Variants in PROM2 observed in about 807,000 individuals in gnomAD.
PROM2 encodes prominin-2.
A neutral mutation model predicts 110.2 loss-of-function variants in PROM2; 90 were observed. The ratio of observed to expected loss-of-function variants is 0.82; its 90% confidence interval spans 0.69 to 0.97. PROM2 has a LOEUF of 0.97. Ranked by LOEUF, PROM2 falls within the 50% of genes least tolerant of loss-of-function variation. PROM2 has a pLI of 0.00. For synonymous variants in PROM2, 470 were observed against 467.8 expected (o/e 1.00, Z -0.06); for missense variants, 1,009 against 1,074.8 (o/e 0.94, Z 0.86).
At chr2:95,288,085 C>T (rs540140321) in intron 20 of PROM2, 126 bp from the exon 21 acceptor site, 6 of 814,682 alleles carry the variant, frequency 7.4e-6, no homozygotes, top group Admixed American at 3.9e-5. Flanking sequence ...TACAAGTGTG[C>T]GGTGGCCCCA....
chr2:95,286,607 G>T (rs1677371689), intron 17 of PROM2, 36 bp downstream of exon 17: 2 of 1,577,322 alleles, frequency 1.3e-6, no homozygotes, highest in African/African-American at 2.7e-5. Flanking sequence ...GGGGCCTGGG[G>T]GAGGGGAGAC....
chr2:95,276,366 C>G lies in PROM2; in HGVS notation c.618+19C>G. ...CCCCCAAGTGAGCACTGTTACCCCT[C>G]ACCCTCATGTGCCCCTGTGAGCACT... is the stretch of plus-strand genomic sequence containing the variant. On this transcript the variant is annotated intron_variant, in intron 4 of 23. Transcript: ENST00000317620. This position sits in a 1 kb window ranked among gnomAD's most constrained non-coding sequence, Gnocchi z 4.6. 1 of 1,611,506 alleles carries G rather than the reference C, an allele frequency of 6.2e-7. No individual in the cohort carries two copies. The highest frequency in any genetic ancestry group is 8.5e-7 in the Non-Finnish European group (1 of 1,178,884).
chr2:95,281,432 A>C, intron 12 of PROM2, 67 bp downstream of exon 12: 3 of 265,112 alleles, frequency 1.1e-5, no homozygotes, highest in Non-Finnish European at 1.6e-5. Context: ...GCAGAGCAGG[A>C]GGGTTGGGGG....
chr2:95,275,569 G>A lies in PROM2; in HGVS notation c.294+59G>A. The A allele has an allele frequency of 6.3e-7, 1 of 1,591,696 alleles. No homozygotes were observed. The highest frequency in any genetic ancestry group is 1.1e-5 in the South Asian group (1 of 88,234). On this transcript the variant is annotated intron_variant, in intron 2 of 23. Transcript: ENST00000317620. The surrounding 1 kb of genome is among the most constrained non-coding windows in gnomAD (Gnocchi z 4.4). ...AGTTCTGGGGTGAGCAGCAGGGTGG[G>A]AGCAGAAAAGCCTTGGCTCCCCTTA...
In PROM2 at chr2:95,276,738, C is replaced by T; in HGVS notation, c.682+81C>T. 2.7e-6 allele frequency: 4 copies of T among 1,480,406 alleles called. No individual in the cohort carries two copies. The South Asian group carries it at 4.6e-5, about 17-fold the overall frequency. The allele number at this position is 1,480,406 out of a possible 1,614,324, so 91.7% of individuals were successfully genotyped here. On this transcript the variant is annotated intron_variant, in intron 5 of 23. Transcript: ENST00000317620. This position sits in a 1 kb window ranked among gnomAD's most constrained non-coding sequence, Gnocchi z 4.6. ...GTGCCTCGGTGGGGGCCTCTCACTC[C>T]CTCATTCTGGACACCCCCGGGAACA...
At position 95,281,929 on chromosome 2, in the gene PROM2, C is replaced by T. The variant is rs1290500288; in HGVS notation, c.1556C>T (p.Ala519Val). ...SWENGELFEF[A>V]DTPGNLPPSM... is the part of the protein sequence containing the mutation. ...TTCTCACTGCCCCATCCCCAGTTTGCAGACACCCCAGGGAACCTGCCCCCG... is the reference window on the plus strand; with the variant it reads ...TTCTCACTGCCCCATCCCCAGTTTGTAGACACCCCAGGGAACCTGCCCCCG... The change falls in exon 13 of 24, where the codon GCA becomes GTA. Residue 519 changes from alanine to valine, a missense_variant. Ala to Val is a moderately conservative substitution (Grantham distance 64). Coordinates refer to ENST00000317620, the MANE Select transcript of PROM2 (RefSeq NM_001165978.3). 1 of 1,613,764 alleles carries T rather than the reference C, an allele frequency of 6.2e-7. No homozygotes were observed. Among genetic ancestry groups the T allele is most frequent in the South Asian group, 1.1e-5 (1 of 91,070 alleles).
chr2:95,277,223 T>C, intron 6 of PROM2, 141 bp from the exon 7 acceptor site: 2 of 1,142,674 alleles, frequency 1.8e-6, no homozygotes, highest in Middle Eastern at 2.9e-4. Context: ...TGGCTTAATG[T>C]GCCCTGGGGC....
At position 95,290,424 on chromosome 2, in the gene PROM2, G is replaced by A. The variant is rs1677627195; in HGVS notation, c.*1211G>A. The A allele has an allele frequency of 6.6e-6, 1 of 152,204 alleles. No individual in the cohort carries two copies. Among genetic ancestry groups the A allele is most frequent in the African/African-American group, 2.4e-5 (1 of 41,434 alleles). 9.4% of individuals were successfully genotyped at this position (152,204 alleles called of 1,614,324 possible). ...GAGGAGAGTTCTAAGGTCACCTCTGGCTGCAGGCATCCAGGGATTATTCCA... is the reference window on the plus strand; with the variant it reads ...GAGGAGAGTTCTAAGGTCACCTCTGACTGCAGGCATCCAGGGATTATTCCA... On this transcript the variant is annotated 3_prime_UTR_variant, in exon 24 of 24. Transcript: ENST00000317620.
chr2:95,287,104 C>A, intron 18 of PROM2, 29 bp from the exon 19 acceptor site: 2 of 1,593,366 alleles, frequency 1.3e-6, no homozygotes, highest in Non-Finnish European at 1.7e-6. Context: ...GAATGTGGGA[C>A]ACTGAGTTGA....
At position 95,288,317 on chromosome 2, in the gene PROM2, A is replaced by G. The variant is rs1677498379; in HGVS notation, c.2334+17A>G. On this transcript the variant is annotated intron_variant, in intron 21 of 23. Coordinates refer to ENST00000317620, the MANE Select transcript of PROM2 (RefSeq NM_001165978.3). ...GACCCCTGGGTGAGTGCCCCAGCTC[A>G]TCGGGGCTTGTTCACCAAGTCCCGG... The G allele has an allele frequency of 1.2e-6, 2 of 1,613,318 alleles. No individual in the cohort carries two copies. Among genetic ancestry groups the G allele is most frequent in the Non-Finnish European group, 1.7e-6 (2 of 1,179,502 alleles).
rs1268326419 is a variant in PROM2 at position 95,276,729 on chromosome 2, C to T, written c.682+72C>T. The T allele has an allele frequency of 1.3e-6, 2 of 1,498,256 alleles. No individual in the cohort carries two copies. Among genetic ancestry groups the T allele is most frequent in the African/African-American group, 2.8e-5 (2 of 72,486 alleles). The allele number at this position is 1,498,256 out of a possible 1,614,324, so 92.8% of individuals were successfully genotyped here. On this transcript the variant is annotated intron_variant, in intron 5 of 23. Transcript: ENST00000317620. This position sits in a 1 kb window ranked among gnomAD's most constrained non-coding sequence, Gnocchi z 4.6. The stretch of plus-strand genomic sequence containing the variant: ...CCTGCTCGGGTGCCTCGGTGGGGGC[C>T]TCTCACTCCCTCATTCTGGACACCC...
chr2:95,278,038 C>T (rs1676783001), intron 8 of PROM2, 34 bp downstream of exon 8: 1 of 1,573,352 alleles, frequency 6.4e-7, no homozygotes, highest in Non-Finnish European at 8.7e-7. Context: ...ATTTCTCCCT[C>T]ACCTGCCAAG....
At chr2:95,278,552 T>C (rs1676817840) in intron 8 of PROM2, 169 bp from the exon 9 acceptor site, 2 of 734,004 alleles carry the variant, frequency 2.7e-6, no homozygotes, top group African/African-American at 1.8e-5. Flanking sequence ...TTTTGGGAAG[T>C]TGAGTCAGAC....
At position 95,277,463 on chromosome 2, in the gene PROM2, G is replaced by A. The variant is rs1055874246; in HGVS notation, c.872G>A (p.Arg291Gln). Residue 291 changes from arginine (R) to glutamine (Q), a missense_variant, in exon 7 of 24, where the codon CGG (arginine) becomes CAG (glutamine). Arg to Gln is a conservative substitution (Grantham distance 43). Coordinates refer to ENST00000317620, the MANE Select transcript of PROM2 (RefSeq NM_001165978.3). ...QDLEPAIREH[R>Q]DRLLELLQEA... ...CTGGAGCCAGCCATCCGGGAACACC[G>A]GGACCGCCTCCTTGAGCTGCTGCAG... The A allele has an allele frequency of 5.0e-6, 8 of 1,612,984 alleles. No individual in the cohort carries two copies. Among genetic ancestry groups the A allele is most frequent in the East Asian group, 4.5e-5 (2 of 44,882 alleles).
At position 95,276,296 on chromosome 2, in the gene PROM2, C is replaced by T; in HGVS notation, c.567C>T (p.Ala189=). ...THEQMGPSIE[A]MPETLLSLWG... is the part of the protein sequence containing the mutation. Reference sequence around the variant, plus strand: ...AACAGATGGGCCCCAGCATCGAGGCCATGCCTGAGACCCTGCTCAGCCTCT... The same window carrying T: ...AACAGATGGGCCCCAGCATCGAGGCTATGCCTGAGACCCTGCTCAGCCTCT... The change falls in exon 4 of 24, where the codon GCC becomes GCT. Residue 189 remains alanine (A), a synonymous_variant. Transcript: ENST00000317620. The surrounding 1 kb of genome is among the most constrained non-coding windows in gnomAD (Gnocchi z 4.6). 6.2e-7 allele frequency: 1 copy of T among 1,613,904 alleles called. No individual in the cohort carries two copies. Among genetic ancestry groups the T allele is most frequent in the Non-Finnish European group, 8.5e-7 (1 of 1,180,036 alleles).
At chr2:95,284,691 G>T (rs1415526107) in intron 14 of PROM2, among the ~76,000 whole-genome samples, 1 of 151,986 alleles carries the variant, frequency 6.6e-6, no homozygotes, top group Non-Finnish European at 1.5e-5. Flanking sequence ...CCAACGCAGA[G>T]GTGCCACACT....
At position 95,282,145 on chromosome 2, in the gene PROM2, G is replaced by C. The variant is rs1301790232; in HGVS notation, c.1647G>C (p.Gln549His). 1 of 1,613,700 alleles carries C rather than the reference G, an allele frequency of 6.2e-7. No individual in the cohort carries two copies. Among genetic ancestry groups the C allele is most frequent in the African/African-American group, 1.3e-5 (1 of 74,866 alleles). ...TGCACCCCTCACTCCTCCTCAGGCA[G>C]TGCAAGGAAGGGGCAGCGCTCTGGA... The part of the protein sequence containing the change: ...KNISIHQAYQ[Q>H]CKEGAALWTV... Residue 549 changes from glutamine (Q) to histidine (H), a missense_variant, in exon 14 of 24, where the codon CAG (glutamine) becomes CAC (histidine). Transcript: ENST00000317620.
chr2:95,277,664 C>G (rs1263229170), intron 7 of PROM2, 98 bp downstream of exon 7: 1 of 1,238,972 alleles, frequency 8.1e-7, no homozygotes, highest in East Asian at 2.6e-5. Context: ...CCCCAATGTT[C>G]CTCCCTTGCT....
chr2:95,276,565 G>A lies in PROM2; in HGVS notation c.619-29G>A. 2 of 1,613,948 alleles carry A rather than the reference G, an allele frequency of 1.2e-6. No individual in the cohort carries two copies. The highest frequency in any genetic ancestry group is 8.5e-7 in the Non-Finnish European group (1 of 1,179,966). ...GTAAGGACTGTGGGTGACCAGGAAG[G>A]GCAGCCTCAGGGCCTTGTGTTTGCC... On this transcript the variant is annotated intron_variant, in intron 4 of 23. Coordinates refer to ENST00000317620, the MANE Select transcript of PROM2 (RefSeq NM_001165978.3). The surrounding 1 kb of genome is among the most constrained non-coding windows in gnomAD (Gnocchi z 4.6).
Sources: gnomAD v4.1 joint callset for allele counts (sites outside exome capture counted in the v4.1 genomes callset) on GRCh38, gnomAD v4.1.1 for gene constraint, Gnocchi (gnomAD v3.1) non-coding constraint, MANE v1.5 for transcripts, NCBI Gene and HGNC (gene_info 2026-07-23, HGNC 2026-07-21) for gene names.